The following LIPI variants were observed in gnomAD, a reference collection of about 807,000 sequenced individuals.
The protein encoded by LIPI is lipase I, also known as lipase member I.
Under a neutral mutation model 50.6 loss-of-function variants are expected in LIPI, and 59 were observed. The observed-to-expected ratio is 1.16, with a 90% CI of 0.94 to 1.45. The LOEUF (loss-of-function observed/expected upper bound fraction) is 1.45, where lower values mean the gene tolerates loss of function less well. Ranked by LOEUF, LIPI falls within the 40% of genes most tolerant of loss-of-function variation. The pLI is 0.00. For missense variants in LIPI, 586 were observed against 536.3 expected (o/e 1.09, Z -0.92); for synonymous variants, 203 against 178.2 (o/e 1.14, Z -1.11).
At chr21:14,110,522 A>G (rs898380744) in intron 9 of LIPI, among the ~76,000 whole-genome samples, 3 of 152,114 alleles carry the variant, frequency 2.0e-5, no homozygotes, top group South Asian at 4.1e-4. Context: ...CAGGAATATA[A>G]TATTTTGTTA....
intron 9 of LIPI, among the ~76,000 whole-genome samples, chr21:14,120,873 G>T (rs547788423): frequency 6.6e-6 from 1 of 152,162 alleles, no homozygotes; most frequent in Non-Finnish European, 1.5e-5. Flanking sequence ...ATTTCTATGT[G>T]CCATGCCTAA....
At chr21:14,124,635 A>G (rs1334731540) in intron 9 of LIPI, among the ~76,000 whole-genome samples, 2 of 152,234 alleles carry the variant, frequency 1.3e-5, no homozygotes, top group Non-Finnish European at 2.9e-5. Flanking sequence ...CTGCCTAAGT[A>G]CGCTTCCTGC....
chr21:14,165,323 G>C lies in LIPI; in HGVS notation c.801C>G (p.Asn267Lys), dbSNP rs2018640012. ...VHLFMASLET[N>K]CNFISFPCRS... The stretch of plus-strand genomic sequence containing the variant: ...GACAAGGAAATGAAATAAAATTGCA[G>C]TTTGTTTCTAAAGATGCCATGAACA... Residue 267 changes from asparagine to lysine, a missense_variant, in exon 6 of 10, where the codon AAC becomes AAG. Asn to Lys is a moderately conservative substitution (Grantham distance 94). Transcript: ENST00000681601. 6.2e-7 allele frequency: 1 copy of C among 1,611,310 alleles called. No homozygotes were observed. Among genetic ancestry groups the C allele is most frequent in the Non-Finnish European group, 8.5e-7 (1 of 1,177,866 alleles).
At chr21:14,112,179 C>G (rs2016443221) in intron 9 of LIPI, among the ~76,000 whole-genome samples, 1 of 151,974 alleles carries the variant, frequency 6.6e-6, no homozygotes, top group African/African-American at 2.4e-5. Context: ...GCTCTCTGTT[C>G]TGTTCCATTG....
At chr21:14,117,041 G>A (rs888558038) in intron 9 of LIPI, among the ~76,000 whole-genome samples, 1 of 152,116 alleles carries the variant, frequency 6.6e-6, no homozygotes, top group Non-Finnish European at 1.5e-5. Context: ...ATAAGGAAGA[G>A]CCAGGCCCAC....
chr21:14,188,567 CAAAAAA>C (rs577516831), intron 2 of LIPI, among the ~76,000 whole-genome samples: 1 of 65,946 alleles, frequency 1.5e-5, no homozygotes, highest in Non-Finnish European at 2.8e-5. Flanking sequence ...GAACCTGTCT[CAAAAAA>C]AAAAAAAAAA....
chr21:14,120,448 GAAAGGAAATAAAGAACAA>G (rs1279722750), intron 9 of LIPI, among the ~76,000 whole-genome samples: 1 of 152,174 alleles, frequency 6.6e-6, no homozygotes, highest in Non-Finnish European at 1.5e-5. Context: ...ACTACTGAAG[GAAAGGAAATAAAGAACAA>G]AAAGGAAATA....
At chr21:14,166,337 T>A in intron 5 of LIPI, 25 bp downstream of exon 5, 1 of 1,202,932 alleles carries the variant, frequency 8.3e-7, no homozygotes, top group Non-Finnish European at 1.2e-6. Context: ...ATTATGTAGT[T>A]CATTCAAAAA....
intron 4 of LIPI, among the ~76,000 whole-genome samples, chr21:14,179,541 G>C (rs2019200402): frequency 6.6e-6 from 1 of 152,098 alleles, no homozygotes; most frequent in Non-Finnish European, 1.5e-5. Context: ...AAAGTATGAA[G>C]AGCTAAGTCA....
chr21:14,113,308 C>T (rs2016488870), intron 9 of LIPI, among the ~76,000 whole-genome samples: 1 of 152,102 alleles, frequency 6.6e-6, no homozygotes, highest in Non-Finnish European at 1.5e-5. Context: ...CAGATAAATG[C>T]ATTAAAACAG....
chr21:14,125,529 CAAG>C (rs939051221), intron 9 of LIPI, among the ~76,000 whole-genome samples: 2 of 151,966 alleles, frequency 1.3e-5, no homozygotes, highest in African/African-American at 4.8e-5. Context: ...AACAAAACAG[CAAG>C]ATGATAGTGT....
intron 4 of LIPI, among the ~76,000 whole-genome samples, chr21:14,181,022 C>T (rs2019252123): frequency 6.6e-6 from 1 of 152,132 alleles, no homozygotes; most frequent in Non-Finnish European, 1.5e-5. Flanking sequence ...CATTTACTGA[C>T]CTTACAACCT....
chr21:14,193,382 A>G (rs369451468), intron 1 of LIPI, among the ~76,000 whole-genome samples: 3 of 152,236 alleles, frequency 2.0e-5, no homozygotes, highest in East Asian at 3.9e-4. Flanking sequence ...AGTGGTAAAA[A>G]TAAGTGCTTT....
intron 1 of LIPI, among the ~76,000 whole-genome samples, chr21:14,204,231 T>A (rs1264104004): frequency 6.6e-6 from 1 of 151,966 alleles, no homozygotes; most frequent in Non-Finnish European, 1.5e-5. Context: ...TTTTGAAGGA[T>A]GAGTGGGTTT....
chr21:14,199,461 T>G (rs986000746), intron 1 of LIPI, among the ~76,000 whole-genome samples: 5 of 151,874 alleles, frequency 3.3e-5, no homozygotes, highest in Non-Finnish European at 5.9e-5. Context: ...TATGGACACT[T>G]CTATGCATAT....
intron 5 of LIPI, among the ~76,000 whole-genome samples, chr21:14,165,836 AGCTACAGT>A (rs2018664113): frequency 6.6e-6 from 1 of 152,180 alleles, no homozygotes; most frequent in African/African-American, 2.4e-5. Context: ...AAACTTCTTT[AGCTACAGT>A]GCCCTTTGGT....
intron 6 of LIPI, among the ~76,000 whole-genome samples, chr21:14,164,420 T>G (rs1342459327): frequency 6.6e-6 from 1 of 152,198 alleles, no homozygotes; most frequent in African/African-American, 2.4e-5. Flanking sequence ...TGGCAATGCC[T>G]GAACAGTGCA....
intron 7 of LIPI, among the ~76,000 whole-genome samples, chr21:14,162,349 T>G (rs1568859201): frequency 6.6e-6 from 1 of 151,786 alleles, no homozygotes; most frequent in South Asian, 2.1e-4. Context: ...AACACAAAGA[T>G]TCCTTGTGGT....
chr21:14,109,930 C>T (rs2016335825), intron 9 of LIPI, among the ~76,000 whole-genome samples: 1 of 151,664 alleles, frequency 6.6e-6, no homozygotes, highest in Non-Finnish European at 1.5e-5. Flanking sequence ...ATAGTTCCTT[C>T]TCCCAGGCAA....
Sources: gnomAD v4.1 joint callset for allele counts (sites outside exome capture counted in the v4.1 genomes callset) on GRCh38, gnomAD v4.1.1 for gene constraint, MANE v1.5 for transcripts, NCBI Gene and HGNC (gene_info 2026-07-23, HGNC 2026-07-21) for gene names.